NUP107: variants seen among roughly 807,000 people sequenced by gnomAD.
NUP107 encodes nuclear pore complex protein Nup107.
NUP107 carries 101 observed loss-of-function variants against 141.0 expected under a neutral mutation model. The observed-to-expected ratio is 0.72, with a 90% CI of 0.61 to 0.84. NUP107 has a LOEUF of 0.84. NUP107 is among the 40% of genes least tolerant of loss of function. The pLI, the probability that NUP107 is intolerant of heterozygous loss-of-function variation, is 0.00. For missense variants in NUP107, 941 were observed against 1,102.7 expected, an observed-to-expected ratio of 0.85 and a Z score of 2.08; for synonymous variants, 319 against 363.9, an observed-to-expected ratio of 0.88 and a Z score of 1.41.
Position 68,744,600 on chromosome 12 carries a change from T to C in NUP107, c.*2138T>C, listed in dbSNP as rs1243216124. The C allele has an allele frequency of 1.3e-5, 2 of 152,240 alleles. No individual in the cohort carries two copies. Among genetic ancestry groups the C allele is most frequent in the Non-Finnish European group, 2.9e-5 (2 of 68,094 alleles). The allele number at this position is 152,240 out of a possible 1,614,324, so 9.4% of individuals were successfully genotyped here. A position where few individuals can be genotyped will look rare whatever the true frequency, so the allele number is the denominator to read the frequency against. On this transcript the variant is annotated 3_prime_UTR_variant, in exon 28 of 28. Coordinates refer to ENST00000229179, the MANE Select transcript of NUP107 (RefSeq NM_020401.4). ...GGTTTTGCCATGTTGGCCAGGCTGG[T>C]CTCAAACTCTTGACCTCAAGTGATC...
rs367703776 is a variant in NUP107 at position 68,734,322 on chromosome 12, T to C, written c.2263-386T>C. Among the ~76,000 whole-genome samples, 66 of 152,222 alleles carry C rather than the reference T, an allele frequency of 4.3e-4. 1 individual carries two copies. The South Asian group carries it at 0.012, about 29-fold the overall frequency. On this transcript the variant is annotated intron_variant, in intron 24 of 27. Transcript: ENST00000229179. ...CAAAAAAAAAATTTTATTCAATAAA[T>C]AATTATGTAATTACAGTGGGTTAGG...
intron 17 of NUP107, among the ~76,000 whole-genome samples, chr12:68,722,649 A>G (rs1877403990): frequency 6.6e-6 from 1 of 152,156 alleles, no homozygotes; most frequent in South Asian, 2.1e-4. Context: ...TCTTACGAAT[A>G]TGTGTAAATA....
chr12:68,738,450 CA>C (rs60283225), intron 26 of NUP107, among the ~76,000 whole-genome samples: 147 of 89,590 alleles, frequency 1.6e-3, no homozygotes, highest in Admixed American at 1.9e-3. Context: ...GACTCCGTCT[CA>C]AAAAAAAAAA....
intron 23 of NUP107, among the ~76,000 whole-genome samples, chr12:68,732,977 C>A (rs1355793387): frequency 1.3e-5 from 2 of 152,144 alleles, no homozygotes; most frequent in Non-Finnish European, 2.9e-5. Context: ...ACCACCACAC[C>A]CAGATTTTTT....
At chr12:68,709,355 G>T in intron 9 of NUP107, 46 bp downstream of exon 9, 2 of 1,149,592 alleles carry the variant, frequency 1.7e-6, no homozygotes, top group Non-Finnish European at 2.5e-6. Context: ...ATGGAGAAAA[G>T]GTTAATGACA....
chr12:68,688,716 G>A (rs1178345448), intron 1 of NUP107, among the ~76,000 whole-genome samples: 1 of 152,158 alleles, frequency 6.6e-6, no homozygotes, highest in Non-Finnish European at 1.5e-5. Context: ...TTCCTTAGGA[G>A]AAAATAACAT....
At chr12:68,709,075 C>A in intron 8 of NUP107, 163 bp from the exon 9 acceptor site, 1 of 488,912 alleles carries the variant, frequency 2.0e-6, no homozygotes, top group Non-Finnish European at 3.6e-6. Context: ...CAATAGATAC[C>A]TTTCAATGAT....
chr12:68,691,302 T>G (rs1275389392), intron 4 of NUP107, among the ~76,000 whole-genome samples: 1 of 152,210 alleles, frequency 6.6e-6, no homozygotes, highest in Non-Finnish European at 1.5e-5. Flanking sequence ...ATGCTGTGGT[T>G]GGTTGCTGAT....
chr12:68,687,441 G>C (rs1298660891), intron 1 of NUP107: 5 of 1,083,490 alleles, frequency 4.6e-6, no homozygotes, highest in Non-Finnish European at 5.6e-6. Context: ...TCTCAGCCCA[G>C]ACTTTCTGAT....
intron 15 of NUP107, 66 bp from the exon 16 acceptor site, chr12:68,721,775 T>C: frequency 2.1e-6 from 3 of 1,442,020 alleles, no homozygotes; most frequent in Non-Finnish European, 2.9e-6. Flanking sequence ...TCATTGGATG[T>C]AATTGCTTTT....
chr12:68,697,521 G>A (rs1255533001), intron 6 of NUP107, among the ~76,000 whole-genome samples: 2 of 151,898 alleles, frequency 1.3e-5, no homozygotes, highest in South Asian at 2.1e-4. Context: ...AATGTATGCT[G>A]GGTTTAATAC....
At chr12:68,727,821 C>T (rs1346537077) in intron 20 of NUP107, among the ~76,000 whole-genome samples, 1 of 152,062 alleles carries the variant, frequency 6.6e-6, no homozygotes, top group Non-Finnish European at 1.5e-5. Flanking sequence ...AAAAATTGGC[C>T]TTCCATATTT....
intron 17 of NUP107, among the ~76,000 whole-genome samples, chr12:68,725,487 T>G (rs1877520659): frequency 6.6e-6 from 1 of 152,236 alleles, no homozygotes; most frequent in Non-Finnish European, 1.5e-5. Context: ...TAAATTGTTA[T>G]AACATAGGTC....
In NUP107 at chr12:68,725,722, T is replaced by G. The variant is rs761127140; in HGVS notation, c.1507-5T>G. ...TTTATGGAAAATTAAAAACTTTTTT[T>G]TCAGAGAGTTCTGGAAGAGAATCAA... On this transcript the variant is annotated splice_region_variant and splice_polypyrimidine_tract_variant and intron_variant, in intron 17 of 27. Coordinates refer to ENST00000229179, the MANE Select transcript of NUP107 (RefSeq NM_020401.4). 1.4e-6 allele frequency: 2 copies of G among 1,480,350 alleles called. No homozygotes were observed. The highest frequency in any genetic ancestry group is 4.2e-5 in the Admixed American group (2 of 47,952). The allele number at this position is 1,480,350 out of a possible 1,614,324, so 91.7% of individuals were successfully genotyped here.
intron 11 of NUP107, among the ~76,000 whole-genome samples, chr12:68,715,256 G>A (rs1201752672): frequency 1.3e-5 from 2 of 152,214 alleles, no homozygotes; most frequent in African/African-American, 4.8e-5. Context: ...AGCACTTTGG[G>A]TGGCCGAGGT....
intron 24 of NUP107, 84 bp from the exon 25 acceptor site, chr12:68,734,624 A>C (rs995792678): frequency 2.7e-5 from 29 of 1,070,310 alleles, no homozygotes; most frequent in Non-Finnish European, 5.3e-6. Context: ...ATTTCTAAGA[A>C]TCAAATGTTA....
At chr12:68,692,898 T>C (rs1006837115) in intron 5 of NUP107, among the ~76,000 whole-genome samples, 3 of 151,148 alleles carry the variant, frequency 2.0e-5, no homozygotes, top group African/African-American at 7.3e-5. Context: ...TATAGGCGTC[T>C]GCTACCACAC....
rs373221285 is a variant in NUP107, at chr12:68,693,662, T to C, written c.448+1550T>C. 1.2e-4 allele frequency among the ~76,000 whole-genome samples: 19 copies of C among 152,138 alleles called. No individual in the cohort carries two copies. The East Asian group carries it at 1.5e-3, about 12-fold the overall frequency. On this transcript the variant is annotated intron_variant, in intron 5 of 27. Coordinates refer to ENST00000229179, the MANE Select transcript of NUP107 (RefSeq NM_020401.4). ...ATAATATATTTTTCCTTAAGCTAAT[T>C]AGTTGTGGTTATGGCAATGGTATTT...
intron 8 of NUP107, among the ~76,000 whole-genome samples, chr12:68,707,265 T>C (rs553156799): frequency 2.0e-5 from 3 of 152,040 alleles, no homozygotes; most frequent in East Asian, 1.9e-4. Flanking sequence ...AATTTTTTTT[T>C]CCAAAATAAA....
Sources: gnomAD v4.1 joint callset for allele counts (sites outside exome capture counted in the v4.1 genomes callset) on GRCh38, gnomAD v4.1.1 for gene constraint, MANE v1.5 for transcripts, NCBI Gene and HGNC (gene_info 2026-07-23, HGNC 2026-07-21) for gene names.